Variants in BMP7 observed in about 807,000 individuals in gnomAD.
BMP7 encodes bone morphogenetic protein 7.
Under a neutral mutation model 41.2 loss-of-function variants are expected in BMP7, and 12 were observed. The ratio of observed to expected loss-of-function variants is 0.29; its 90% confidence interval spans 0.19 to 0.47. The LOEUF is 0.47. BMP7 is among the 20% of genes least tolerant of loss of function. The pLI, the probability that BMP7 is intolerant of heterozygous loss-of-function variation, is 0.99. For missense variants in BMP7, 467 were observed against 606.0 expected (o/e 0.77, Z 2.41); for synonymous variants, 248 against 250.0 (o/e 0.99, Z 0.07).
chr20:57,248,706 G>A (rs6127980), intron 1 of BMP7, among the ~76,000 whole-genome samples: 25,241 of 152,220 alleles, frequency 0.17, 2,366 homozygotes, highest in African/African-American at 0.24. Flanking sequence ...TTGCTATTAG[G>A]GGAGATAATG....
intron 1 of BMP7, among the ~76,000 whole-genome samples, chr20:57,242,489 C>A (rs1036586670): frequency 3.3e-5 from 5 of 152,150 alleles, no homozygotes; most frequent in Non-Finnish European, 7.3e-5. Flanking sequence ...TCTCTGAAGT[C>A]CCTTTTCTCG....
rs540533068 is a variant in BMP7, at chr20:57,183,780, G to T, written c.900C>A (p.Ser300Arg). ...SIRSTGSKQR[S>R]QNRSKTPKNQ... ...TCTTGGGCGTCTTGGAGCGGTTCTG[G>T]CTGCGCTGTTTGCTCCCCGTGGACC... The change falls in exon 4 of 7, where the codon AGC (serine) becomes AGA (arginine). Residue 300 changes from serine (S) to arginine (R), a missense_variant. Ser to Arg is a moderately radical substitution (Grantham distance 110). Transcript: ENST00000395863. 23 of 1,614,208 alleles carry T rather than the reference G, an allele frequency of 1.4e-5. No homozygotes were observed. In the South Asian group the frequency reaches 2.4e-4, roughly 17 times the overall value.
Position 57,213,533 on chromosome 20 carries a change from G to A in BMP7, c.612-10910C>T, listed in dbSNP as rs1271712639. Among the ~76,000 whole-genome samples the A allele has an allele frequency of 6.6e-6, 1 of 152,224 alleles. No homozygotes were observed. Among genetic ancestry groups the A allele is most frequent in the Non-Finnish European group, 1.5e-5 (1 of 68,048 alleles). On this transcript the variant is annotated intron_variant, in intron 2 of 6. Transcript: ENST00000395863. The surrounding 1 kb of genome is among the most constrained non-coding windows in gnomAD (Gnocchi z 4.4). The stretch of plus-strand genomic sequence containing the variant: ...GCAAAGAAATGTCTGCTCCGGCAAT[G>A]GAGCGCAGTAACGAGCCGTTCAAAC...
intron 3 of BMP7, 27 bp from the exon 4 acceptor site, chr20:57,183,946 G>C: frequency 6.2e-7 from 1 of 1,610,716 alleles, no homozygotes. Context: ...CAAGTGCACA[G>C]AAGAGTAGTT....
At chr20:57,226,241 C>T (rs550424275) in intron 2 of BMP7, among the ~76,000 whole-genome samples, 26 of 152,292 alleles carry the variant, frequency 1.7e-4, no homozygotes, top group African/African-American at 4.6e-4. Context: ...CAAGAGCTGC[C>T]GGAGCTGAGT....
rs1352975702 is a variant in BMP7, at chr20:57,179,092, A to G, written c.959-4085T>C. On this transcript the variant is annotated intron_variant, in intron 4 of 6. Coordinates refer to ENST00000395863, the MANE Select transcript of BMP7 (RefSeq NM_001719.3). ...TATGGTGTACGAGTGAGGCGTGGGC[A>G]CTGGCCCTGCCACCAGGGACTCCAG... is the stretch of plus-strand genomic sequence containing the variant. Among the ~76,000 whole-genome samples the G allele has an allele frequency of 2.6e-5, 4 of 152,240 alleles. No homozygotes were observed. The South Asian group carries it at 8.3e-4, about 31-fold the overall frequency.
intron 4 of BMP7, among the ~76,000 whole-genome samples, chr20:57,183,193 C>A (rs1448812472): frequency 3.9e-5 from 6 of 151,900 alleles, no homozygotes; most frequent in Non-Finnish European, 8.8e-5. Context: ...CGAGATCGCA[C>A]CACTGCACTG....
chr20:57,244,816 C>T (rs2066083436), intron 1 of BMP7, among the ~76,000 whole-genome samples: 1 of 152,202 alleles, frequency 6.6e-6, no homozygotes, highest in Non-Finnish European at 1.5e-5. Flanking sequence ...ACAGGAGGAG[C>T]CTGCTCAGAC....
At chr20:57,184,246 T>C (rs545768339) in intron 3 of BMP7, among the ~76,000 whole-genome samples, 1 of 152,270 alleles carries the variant, frequency 6.6e-6, no homozygotes, top group Non-Finnish European at 1.5e-5. Flanking sequence ...CACATTCCAT[T>C]GGCCAAAGCA....
chr20:57,190,829 G>A (rs891508284), intron 3 of BMP7, among the ~76,000 whole-genome samples: 1 of 152,136 alleles, frequency 6.6e-6, no homozygotes, highest in Admixed American at 6.5e-5. Flanking sequence ...CAGCTTTAAC[G>A]CTGGCTCCAA....
At chr20:57,231,712 A>G (rs2066030076) in intron 1 of BMP7, among the ~76,000 whole-genome samples, 1 of 152,180 alleles carries the variant, frequency 6.6e-6, no homozygotes, top group South Asian at 2.1e-4. Context: ...TGCTCCCACA[A>G]TCATGCACAG....
chr20:57,228,425 G>C lies in BMP7; in HGVS notation c.419-4C>G. ...AAGAATTCCTTGTCATGTTCCACTG[G>C]AAGAGGAAGAGAACACACACCAACA... On this transcript the variant is annotated splice_polypyrimidine_tract_variant and splice_region_variant and intron_variant, in intron 1 of 6. Coordinates refer to ENST00000395863, the MANE Select transcript of BMP7 (RefSeq NM_001719.3). The surrounding 1 kb of genome is among the most constrained non-coding windows in gnomAD (Gnocchi z 4.5). 1 of 1,613,972 alleles carries C rather than the reference G, an allele frequency of 6.2e-7. No individual in the cohort carries two copies.
At chr20:57,193,386 C>G (rs1339205221) in intron 3 of BMP7, among the ~76,000 whole-genome samples, 1 of 152,128 alleles carries the variant, frequency 6.6e-6, no homozygotes, top group Non-Finnish European at 1.5e-5. Context: ...AAGCTGTCAA[C>G]ATCCTACGAT....
In BMP7 at chr20:57,170,800, A is replaced by G. The variant is rs1032281064; in HGVS notation, c.*159T>C. 1.2e-5 allele frequency: 11 copies of G among 941,908 alleles called. No individual in the cohort carries two copies. The African/African-American group carries it at 1.5e-4, about 13-fold the overall frequency. 58.3% of individuals were successfully genotyped at this position (941,908 alleles called of 1,614,324 possible). On this transcript the variant is annotated 3_prime_UTR_variant, in exon 7 of 7. Transcript: ENST00000395863. Reference sequence around the variant, plus strand: ...GCCACTGAAAAACTGATCAAAAGCCATATGCTGCTCATGTTTCCTAATACT... The same window carrying G: ...GCCACTGAAAAACTGATCAAAAGCCGTATGCTGCTCATGTTTCCTAATACT...
chr20:57,194,629 T>C (rs965825281), intron 3 of BMP7, among the ~76,000 whole-genome samples: 3 of 152,230 alleles, frequency 2.0e-5, no homozygotes, highest in African/African-American at 4.8e-5. Flanking sequence ...CTGGGTACAG[T>C]TGATTCCATC....
rs529923338 is a variant in BMP7 at position 57,170,557 on chromosome 20, G to A, written c.*402C>T. The A allele has an allele frequency of 2.1e-4, 59 of 278,936 alleles. No homozygotes were observed. The highest frequency in any genetic ancestry group is 1.2e-3 in the African/African-American group (53 of 45,708). 17.3% of individuals were successfully genotyped at this position (278,936 alleles called of 1,614,324 possible). On this transcript the variant is annotated 3_prime_UTR_variant, in exon 7 of 7. Coordinates refer to ENST00000395863, the MANE Select transcript of BMP7 (RefSeq NM_001719.3). ...GAACTTCCGGGTCAATTTTCCTTTC[G>A]CACAGACACCAATGTGCCCACCCCT...
intron 1 of BMP7, among the ~76,000 whole-genome samples, chr20:57,265,042 A>AAAAAAAGAAAAG (rs1555819055): frequency 8.3e-6 from 1 of 120,156 alleles, no homozygotes; most frequent in African/African-American, 3.6e-5. Context: ...AAAAAAAAAA[A>AAAAAAAGAAAAG]AAAAGAAAAG....
chr20:57,262,847 A>G (rs1006475709), intron 1 of BMP7, among the ~76,000 whole-genome samples: 1 of 152,228 alleles, frequency 6.6e-6, no homozygotes, highest in African/African-American at 2.4e-5. Flanking sequence ...AATACTACAG[A>G]TCAACATGAT....
intron 1 of BMP7, among the ~76,000 whole-genome samples, chr20:57,234,157 C>T (rs1026171915): frequency 6.6e-6 from 1 of 152,160 alleles, no homozygotes; most frequent in African/African-American, 2.4e-5. Flanking sequence ...CCATGGGACT[C>T]CAAGGGAGCC....
Sources: gnomAD v4.1 joint callset for allele counts (sites outside exome capture counted in the v4.1 genomes callset) on GRCh38, gnomAD v4.1.1 for gene constraint, Gnocchi (gnomAD v3.1) non-coding constraint, MANE v1.5 for transcripts, NCBI Gene and HGNC (gene_info 2026-07-23, HGNC 2026-07-21) for gene names.